MPV17: variants seen among roughly 807,000 people sequenced by gnomAD.
The protein encoded by MPV17 is mitochondrial inner membrane protein MPV17, also known as MPV17, mitochondrial inner membrane protein.
In MPV17, 31 loss-of-function variants were observed where a neutral mutation model predicts 28.6. The ratio of observed to expected loss-of-function variants is 1.08; its 90% CI spans 0.81 to 1.46. The LOEUF (loss-of-function observed/expected upper bound fraction) is 1.46, where lower values mean the gene tolerates loss of function less well. Ranked by LOEUF, MPV17 falls within the 40% of genes most tolerant of loss-of-function variation. MPV17 has a pLI of 0.00. For missense variants in MPV17, 198 were observed against 216.2 expected (o/e 0.92, Z 0.53); for synonymous variants, 87 against 85.3 (o/e 1.02, Z -0.11).
intron 2 of MPV17, among the ~76,000 whole-genome samples, chr2:27,321,111 C>A (rs1679841594): frequency 6.6e-6 from 1 of 151,976 alleles, no homozygotes; most frequent in Non-Finnish European, 1.5e-5. Flanking sequence ...GCAGATGCCT[C>A]AGGTAGGGAA....
chr2:27,322,296 C>A, intron 2 of MPV17, 152 bp downstream of exon 2: 1 of 767,390 alleles, frequency 1.3e-6, no homozygotes. Flanking sequence ...GACCACCCTC[C>A]AAAACAGACT....
At chr2:27,310,061 AAAG>A in intron 7 of MPV17, 80 bp from the exon 8 acceptor site, 1 of 1,075,528 alleles carries the variant, frequency 9.3e-7, no homozygotes, top group South Asian at 1.3e-5. Context: ...ATGAAATGGC[AAAG>A]GAGGGATCAT....
intron 2 of MPV17, among the ~76,000 whole-genome samples, chr2:27,315,552 C>CCATT (rs1256061756): frequency 1.6e-4 from 25 of 152,232 alleles, no homozygotes; most frequent in African/African-American, 5.3e-4. Flanking sequence ...CTCCATTCAT[C>CCATT]CATTCATTCA....
intron 2 of MPV17, among the ~76,000 whole-genome samples, chr2:27,314,049 G>C (rs889264969): frequency 1.3e-5 from 2 of 152,206 alleles, no homozygotes; most frequent in African/African-American, 4.8e-5. Context: ...TGCCGGCCTG[G>C]AATGGTGGCT....
At chr2:27,322,362 G>C in intron 2 of MPV17, 86 bp downstream of exon 2, 1 of 1,103,700 alleles carries the variant, frequency 9.1e-7, no homozygotes, top group South Asian at 1.2e-5. Flanking sequence ...AATAGAAACA[G>C]GAAGTGAGGG....
rs1042901689 is a variant in MPV17 at position 27,309,556 on chromosome 2, A to G, written c.*356T>C. 4 of 505,846 alleles carry G rather than the reference A, an allele frequency of 7.9e-6. No individual in the cohort carries two copies. The highest frequency in any genetic ancestry group is 3.8e-5 in the African/African-American group (2 of 52,340). 31.3% of individuals were successfully genotyped at this position (505,846 alleles called of 1,614,324 possible). A position where few individuals can be genotyped will look rare whatever the true frequency, so the allele number is the denominator to read the frequency against. ...CATATAAAGGGTTCCGGGAGTCTCT[A>G]AAGAGCTGGAGCTACAAGAAGCCTA... On this transcript the variant is annotated 3_prime_UTR_variant, in exon 8 of 8. Coordinates refer to ENST00000380044, the MANE Select transcript of MPV17 (RefSeq NM_002437.5).
Position 27,317,207 on chromosome 2 carries a change from C to A in MPV17, c.71-4098G>T. The A allele has an allele frequency of 6.5e-7, 1 of 1,549,680 alleles. No individual in the cohort carries two copies. Among genetic ancestry groups the A allele is most frequent in the Non-Finnish European group, 8.7e-7 (1 of 1,146,610 alleles). ...GCAGGTATAGCTACTGGCATGGGGC[C>A]AGCAGTGCTGCCTTCCTCCCCAGAA... On this transcript the variant is annotated intron_variant, in intron 2 of 7. Transcript: ENST00000380044. The surrounding 1 kb of genome is among the most constrained non-coding windows in gnomAD (Gnocchi z 4.0).
At chr2:27,318,731 C>T (rs183517961) in intron 2 of MPV17, among the ~76,000 whole-genome samples, 2 of 152,080 alleles carry the variant, frequency 1.3e-5, no homozygotes, top group Admixed American at 6.6e-5. Context: ...AATAGCTATT[C>T]ATCCAGACAG....
In MPV17 at chr2:27,311,885, G is replaced by A. The variant is rs752241248; in HGVS notation, c.461+14C>T. On this transcript the variant is annotated intron_variant, in intron 7 of 7. Coordinates refer to ENST00000380044, the MANE Select transcript of MPV17 (RefSeq NM_002437.5). ...TGGGTCTTCCTTGATGGGTGGGGTA[G>A]GGGTGCAACATACCTGTAATGAAGG... is the stretch of plus-strand genomic sequence containing the variant. 2 of 1,613,328 alleles carry A rather than the reference G, an allele frequency of 1.2e-6. No homozygotes were observed. The highest frequency in any genetic ancestry group is 1.7e-6 in the Non-Finnish European group (2 of 1,179,700).
rs1191369086 is a variant in MPV17, at chr2:27,312,522, G to A, written c.347C>T (p.Ala116Val). 1 of 1,614,140 alleles carries A rather than the reference G, an allele frequency of 6.2e-7. No individual in the cohort carries two copies. Among genetic ancestry groups the A allele is most frequent in the Admixed American group, 1.7e-5 (1 of 60,026 alleles). ...PLVGALNGLS[A>V]QDNWAKLQRD... ...CTGTAGTTTGGCCCAGTTGTCCTGG[G>A]CTGACAGTCCATTAAGTGCCCCTAC... is the stretch of plus-strand genomic sequence containing the variant. The change falls in exon 5 of 8, where the codon GCC (alanine) becomes GTC (valine). Residue 116 changes from alanine (A) to valine (V), a missense_variant. Coordinates refer to ENST00000380044, the MANE Select transcript of MPV17 (RefSeq NM_002437.5).
rs1218713496 is a variant in MPV17, at chr2:27,317,054, C to T, written c.71-3945G>A. 1 of 1,537,222 alleles carries T rather than the reference C, an allele frequency of 6.5e-7. No homozygotes were observed. The highest frequency in any genetic ancestry group is 8.8e-7 in the Non-Finnish European group (1 of 1,140,228). ...CATGGGCAGGGTAAATTCCCTACTT[C>T]TCCTATTTTGTTCCTCTACTTACTT... On this transcript the variant is annotated intron_variant, in intron 2 of 7. Coordinates refer to ENST00000380044, the MANE Select transcript of MPV17 (RefSeq NM_002437.5). The surrounding 1 kb of genome is among the most constrained non-coding windows in gnomAD (Gnocchi z 4.0).
chr2:27,310,110 A>G (rs1474749389), intron 7 of MPV17, 129 bp from the exon 8 acceptor site: 1 of 769,922 alleles, frequency 1.3e-6, no homozygotes, highest in Non-Finnish European at 2.3e-6. Context: ...TCTTTCCTTC[A>G]GCACCTTTTT....
At chr2:27,322,635 T>A in intron 1 of MPV17, 113 bp from the exon 2 acceptor site, 1 of 850,680 alleles carries the variant, frequency 1.2e-6, no homozygotes, top group Non-Finnish European at 2.0e-6. Context: ...CAATGTGACT[T>A]AAAGGGGCAG....
chr2:27,322,290 A>C (rs1193015004), intron 2 of MPV17, 158 bp downstream of exon 2: 1 of 734,534 alleles, frequency 1.4e-6, no homozygotes, highest in South Asian at 1.5e-5. Flanking sequence ...CTTGGGGACC[A>C]CCCTCCAAAA....
chr2:27,309,547 G>A lies in MPV17; in HGVS notation c.*365C>T. The A allele has an allele frequency of 2.0e-6, 1 of 488,694 alleles. No individual in the cohort carries two copies. 30.3% of individuals were successfully genotyped at this position (488,694 alleles called of 1,614,324 possible). A position where few individuals can be genotyped will look rare whatever the true frequency, so the allele number is the denominator to read the frequency against. On this transcript the variant is annotated 3_prime_UTR_variant, in exon 8 of 8. Coordinates refer to ENST00000380044, the MANE Select transcript of MPV17 (RefSeq NM_002437.5). ...CTGAGGCACCATATAAAGGGTTCCG[G>A]GAGTCTCTAAAGAGCTGGAGCTACA...
At chr2:27,314,016 T>A (rs950006694) in intron 2 of MPV17, among the ~76,000 whole-genome samples, 1 of 152,190 alleles carries the variant, frequency 6.6e-6, no homozygotes, top group Admixed American at 6.5e-5. Flanking sequence ...CTGGCCAGAA[T>A]AAATCTTTTT....
chr2:27,319,530 G>A (rs1169897216), intron 2 of MPV17, among the ~76,000 whole-genome samples: 1 of 143,142 alleles, frequency 7.0e-6, no homozygotes, highest in Admixed American at 6.8e-5. Flanking sequence ...GCAAGACCCC[G>A]TCTCAAATAA....
Position 27,317,350 on chromosome 2 carries a change from T to G in MPV17, c.71-4241A>C, listed in dbSNP as rs1679693425. 1.3e-5 allele frequency: 12 copies of G among 931,134 alleles called. No homozygotes were observed. The highest frequency in any genetic ancestry group is 1.4e-5 in the Non-Finnish European group (9 of 650,488). 57.7% of individuals were successfully genotyped at this position (931,134 alleles called of 1,614,324 possible). ...TCCTCTGGGATTATTCTGAATGCTC[T>G]CCCATTTCTGACCTGAACCCATCCT... is the stretch of plus-strand genomic sequence containing the variant. On this transcript the variant is annotated intron_variant, in intron 2 of 7. Transcript: ENST00000380044. The surrounding 1 kb of genome is among the most constrained non-coding windows in gnomAD (Gnocchi z 4.0).
intron 2 of MPV17, 140 bp from the exon 3 acceptor site, chr2:27,313,249 C>T (rs1453135303): frequency 2.0e-6 from 3 of 1,536,544 alleles, no homozygotes; most frequent in African/African-American, 1.4e-5. Context: ...AATGACTAGT[C>T]CCTTCCTGCT....
Sources: gnomAD v4.1 joint callset for allele counts (sites outside exome capture counted in the v4.1 genomes callset) on GRCh38, gnomAD v4.1.1 for gene constraint, Gnocchi (gnomAD v3.1) non-coding constraint, MANE v1.5 for transcripts, NCBI Gene and HGNC (gene_info 2026-07-23, HGNC 2026-07-21) for gene names.